The following DIAPH1 variants were observed in gnomAD, a reference collection of about 807,000 sequenced individuals.
DIAPH1 encodes the protein protein diaphanous homolog 1.
A neutral mutation model predicts 140.7 loss-of-function variants in DIAPH1; 46 were observed. That is an observed-to-expected ratio of 0.33 (90% confidence interval 0.26 to 0.42). The LOEUF is 0.42. Among genes scored for constraint, DIAPH1 ranks in the 10% least tolerant of loss-of-function variants. The pLI, the probability that DIAPH1 is intolerant of heterozygous loss-of-function variation, is 1.00. For missense variants in DIAPH1, 1,310 were observed against 1,558.7 expected, an observed-to-expected ratio of 0.84 and a Z score of 2.69; for synonymous variants, 565 against 551.6, an observed-to-expected ratio of 1.02 and a Z score of -0.34.
intron 18 of DIAPH1, among the ~76,000 whole-genome samples, chr5:141,554,238 C>T (rs988333248): frequency 6.6e-5 from 10 of 152,132 alleles, no homozygotes; most frequent in African/African-American, 2.4e-4. Flanking sequence ...GATTGTGCCA[C>T]CGCACTCCAG....
intron 24 of DIAPH1, among the ~76,000 whole-genome samples, 192 bp from the exon 25 acceptor site, chr5:141,526,653 C>T (rs1344558386): frequency 1.3e-5 from 2 of 152,112 alleles, no homozygotes; most frequent in Admixed American, 6.5e-5. Context: ...TATGGTACAC[C>T]TATAAAAAAA....
In DIAPH1 at chr5:141,618,954, G is replaced by T. The variant is rs929755348; in HGVS notation, c.-40C>A. ...TGGCCGGCGACCCCGCGCCTACGCC[G>T]CTCCCGCCTGGCAGCTCCGCGCCCG... On this transcript the variant is annotated 5_prime_UTR_variant, in exon 1 of 28. Coordinates refer to ENST00000389054, the MANE Select transcript of DIAPH1 (RefSeq NM_005219.5). 6 of 1,237,858 alleles carry T rather than the reference G, an allele frequency of 4.8e-6. No individual in the cohort carries two copies. The highest frequency in any genetic ancestry group is 5.4e-6 in the Non-Finnish European group (5 of 922,998). 76.7% of individuals were successfully genotyped at this position (1,237,858 alleles called of 1,614,324 possible).
chr5:141,543,597 C>A (rs956951015), intron 18 of DIAPH1, among the ~76,000 whole-genome samples: 1 of 152,192 alleles, frequency 6.6e-6, no homozygotes, highest in African/African-American at 2.4e-5. Flanking sequence ...CATTATAAAA[C>A]TGGCTTTGCG....
intron 18 of DIAPH1, among the ~76,000 whole-genome samples, chr5:141,539,640 T>C (rs2099889656): frequency 6.6e-6 from 1 of 152,144 alleles, no homozygotes; most frequent in Non-Finnish European, 1.5e-5. Flanking sequence ...GATTGTTTAT[T>C]TTTTCTTGCG....
chr5:141,585,404 G>A (rs2154596644), intron 3 of DIAPH1, among the ~76,000 whole-genome samples: 1 of 152,264 alleles, frequency 6.6e-6, no homozygotes, highest in East Asian at 1.9e-4. Context: ...CAGATCTCTA[G>A]TAAAACAGCA....
intron 1 of DIAPH1, among the ~76,000 whole-genome samples, chr5:141,601,462 A>G (rs1056772266): frequency 6.6e-6 from 1 of 151,866 alleles, no homozygotes; most frequent in East Asian, 1.9e-4. Context: ...TAACTTTTCT[A>G]TTTTTTTAGT....
At chr5:141,529,314 C>A (rs368503831) in intron 20 of DIAPH1, 41 bp from the exon 21 acceptor site, 23 of 1,519,366 alleles carry the variant, frequency 1.5e-5, no homozygotes, top group African/African-American at 9.6e-5. Flanking sequence ...GGGGAATTCG[C>A]TAACAACTCA....
At position 141,618,832 on chromosome 5, in the gene DIAPH1, G is replaced by C. The variant is rs771016727; in HGVS notation, c.83C>G (p.Ser28Trp). Reference protein sequence around the residue: ...KKGRSPDELPSAGGDGGKSKK... With the variant: ...KKGRSPDELPWAGGDGGKSKK... ...AGATTTGCCGCCGTCGCCGCCCGCC[G>C]AGGGCAGCTCATCTGGGCTCCGGCC... The change falls in exon 1 of 28, where the codon TCG becomes TGG. Residue 28 changes from serine (S) to tryptophan (W), a missense_variant. By Grantham distance (177) the Ser-to-Trp change is radical. Around this residue, in one of 3 missense-constraint regions of DIAPH1, gnomAD observed 377 missense variants for 497.1 expected, o/e 0.76. Transcript: ENST00000389054. The C allele has an allele frequency of 5.8e-6, 9 of 1,550,042 alleles. No individual in the cohort carries two copies. Among genetic ancestry groups the C allele is most frequent in the Non-Finnish European group, 7.8e-6 (9 of 1,147,214 alleles).
chr5:141,555,087 C>T (rs1221245458), intron 18 of DIAPH1, among the ~76,000 whole-genome samples: 1 of 152,106 alleles, frequency 6.6e-6, no homozygotes, highest in African/African-American at 2.4e-5. Context: ...ATGAGTTGTA[C>T]ACTTCGACCT....
At chr5:141,547,075 A>G (rs1408289683) in intron 18 of DIAPH1, among the ~76,000 whole-genome samples, 1 of 152,264 alleles carries the variant, frequency 6.6e-6, no homozygotes, top group East Asian at 1.9e-4. Context: ...AGTTTCCCAA[A>G]AAGGACTTTA....
chr5:141,611,350 G>T (rs1362303208), intron 1 of DIAPH1, among the ~76,000 whole-genome samples: 3 of 152,100 alleles, frequency 2.0e-5, no homozygotes, highest in Non-Finnish European at 4.4e-5. Context: ...AAAAAAAATT[G>T]GACTCCATCA....
chr5:141,525,604 G>A (rs1430028117), intron 26 of DIAPH1, among the ~76,000 whole-genome samples: 1 of 152,156 alleles, frequency 6.6e-6, no homozygotes, highest in Non-Finnish European at 1.5e-5. Flanking sequence ...TAAGGTACTA[G>A]GGACATAGTA....
chr5:141,604,458 TAGTC>T (rs1308254482), intron 1 of DIAPH1, among the ~76,000 whole-genome samples: 2 of 152,188 alleles, frequency 1.3e-5, no homozygotes, highest in African/African-American at 2.4e-5. Flanking sequence ...CATTTAGAAA[TAGTC>T]AGTGACTCAG....
intron 18 of DIAPH1, chr5:141,560,828 C>A: frequency 8.8e-6 from 4 of 456,192 alleles, no homozygotes; most frequent in South Asian, 6.2e-5. Context: ...GGAATAAACT[C>A]CCAGCCCCCA....
At chr5:141,542,122 T>C (rs564561969) in intron 18 of DIAPH1, among the ~76,000 whole-genome samples, 35 of 152,236 alleles carry the variant, frequency 2.3e-4, no homozygotes, top group African/African-American at 8.2e-4. Flanking sequence ...CTATTCAAAA[T>C]AGACAAAACG....
intron 18 of DIAPH1, among the ~76,000 whole-genome samples, chr5:141,568,753 A>G (rs953318968): frequency 1.3e-5 from 2 of 152,194 alleles, no homozygotes; most frequent in Non-Finnish European, 2.9e-5. Context: ...TTAGGTATCA[A>G]TAAAACATAA....
At position 141,583,526 on chromosome 5, in the gene DIAPH1, G is replaced by A; in HGVS notation, c.492C>T (p.Cys164=). ...TGAGAGACACACGAAGGGACTCCAG[G>A]CAGCTGAGCAGAGGCATATCCCGCA... The part of the protein sequence containing the change: ...SGLRDMPLLS[C]LESLRVSLNN... The change falls in exon 5 of 28, where the codon TGC becomes TGT. Residue 164 remains cysteine, a synonymous_variant. Coordinates refer to ENST00000389054, the MANE Select transcript of DIAPH1 (RefSeq NM_005219.5). 1 of 1,614,146 alleles carries A rather than the reference G, an allele frequency of 6.2e-7. No homozygotes were observed. Among genetic ancestry groups the A allele is most frequent in the South Asian group, 1.1e-5 (1 of 91,080 alleles).
intron 1 of DIAPH1, among the ~76,000 whole-genome samples, chr5:141,600,878 G>C (rs1316730352): frequency 6.6e-6 from 1 of 152,130 alleles, no homozygotes; most frequent in Admixed American, 6.5e-5. Context: ...CTCAAGCCAG[G>C]TTCTAAATAT....
At chr5:141,603,961 A>G (rs1407928089) in intron 1 of DIAPH1, among the ~76,000 whole-genome samples, 1 of 152,188 alleles carries the variant, frequency 6.6e-6, no homozygotes, top group Non-Finnish European at 1.5e-5. Context: ...CGCTGGTATC[A>G]CTATTCCAGC....
Sources: allele counts gnomAD v4.1 joint callset (sites outside exome capture counted in the v4.1 genomes callset), GRCh38; gene constraint gnomAD v4.1.1; regional missense constraint gnomAD v4.1.1; transcripts MANE v1.5; gene names NCBI Gene and HGNC (gene_info 2026-07-23, HGNC 2026-07-21).